Variants in SBF2 observed in about 807,000 individuals in gnomAD.
SBF2 encodes SET binding factor 2.
SBF2 carries 112 observed loss-of-function variants against 225.2 expected under a neutral mutation model. That is an observed-to-expected ratio of 0.50 (90% CI 0.43 to 0.58). The LOEUF (loss-of-function observed/expected upper bound fraction) is 0.58. Among genes scored for constraint, SBF2 ranks in the 20% least tolerant of loss-of-function variants. The pLI is 0.00. For missense variants in SBF2, 1,996 were observed against 2,206.2 expected (o/e 0.90, Z 1.91); for synonymous variants, 763 against 773.3 (o/e 0.99, Z 0.22).
intron 16 of SBF2, among the ~76,000 whole-genome samples, chr11:9,908,388 G>A (rs1862277165): frequency 6.6e-6 from 1 of 152,184 alleles, no homozygotes; most frequent in Non-Finnish European, 1.5e-5. Flanking sequence ...CACTTTGGGA[G>A]GCCGAGGCGG....
intron 6 of SBF2, among the ~76,000 whole-genome samples, chr11:10,010,510 C>A (rs1008388577): frequency 2.6e-5 from 4 of 152,156 alleles, no homozygotes; most frequent in African/African-American, 9.7e-5. Context: ...TCCTCCATTG[C>A]TTGTTTTTGT....
intron 6 of SBF2, among the ~76,000 whole-genome samples, chr11:10,020,384 T>C (rs78622859): frequency 0.034 from 5,177 of 152,106 alleles, 310 homozygotes; most frequent in East Asian, 0.18. Context: ...GGCCACTGTG[T>C]ATGCAGAGAG....
In SBF2 at chr11:10,251,471, G is replaced by C. The variant is rs143299753; in HGVS notation, c.55+42544C>G. Among the ~76,000 whole-genome samples, 275 of 152,314 alleles carry C rather than the reference G, an allele frequency of 1.8e-3. 1 individual carries two copies. Among genetic ancestry groups the C allele is most frequent in the African/African-American group, 6.4e-3 (264 of 41,558 alleles). On this transcript the variant is annotated intron_variant, in intron 1 of 39. Transcript: ENST00000256190. Reference sequence around the variant, plus strand: ...ACAGAAAAGTACCTGTGCAGCTACTGACACTTGTGGCCTATGGACAAATCC... The same window carrying C: ...ACAGAAAAGTACCTGTGCAGCTACTCACACTTGTGGCCTATGGACAAATCC...
intron 17 of SBF2, among the ~76,000 whole-genome samples, chr11:9,894,353 C>T (rs950134459): frequency 2.6e-5 from 4 of 152,120 alleles, no homozygotes. Context: ...CCTGTCTCTA[C>T]TAAAAACACA....
At chr11:10,057,514 G>T (rs191887558) in intron 2 of SBF2, among the ~76,000 whole-genome samples, 1 of 152,152 alleles carries the variant, frequency 6.6e-6, no homozygotes, top group South Asian at 2.1e-4. Flanking sequence ...TGGGCCCACA[G>T]CGCAAACTCT....
intron 16 of SBF2, among the ~76,000 whole-genome samples, chr11:9,949,135 A>G (rs1053576262): frequency 7.9e-5 from 12 of 152,328 alleles, no homozygotes; most frequent in Non-Finnish European, 1.5e-4. Context: ...GAAGAAAGGT[A>G]GAAAGCACAA....
chr11:10,238,638 C>T (rs1294869042), intron 1 of SBF2, among the ~76,000 whole-genome samples: 1 of 150,368 alleles, frequency 6.7e-6, no homozygotes, highest in Non-Finnish European at 1.5e-5. Context: ...CATGGCTGGG[C>T]GCAGTGGTTC....
At chr11:9,881,226 T>C (rs913572986) in intron 17 of SBF2, among the ~76,000 whole-genome samples, 1 of 152,186 alleles carries the variant, frequency 6.6e-6, no homozygotes, top group African/African-American at 2.4e-5. Context: ...AAGAATTGTA[T>C]TTGGACAGAA....
chr11:10,065,870 C>A (rs1240106178), intron 2 of SBF2, among the ~76,000 whole-genome samples: 1 of 152,078 alleles, frequency 6.6e-6, no homozygotes, highest in African/African-American at 2.4e-5. Flanking sequence ...ATCCTTGAAC[C>A]CAGGGGGTGG....
At position 10,187,282 on chromosome 11, in the gene SBF2, C is replaced by CT. The variant is rs1956963438; in HGVS notation, c.141+6619dup. 2.0e-5 allele frequency among the ~76,000 whole-genome samples: 3 copies of CT among 150,696 alleles called. No homozygotes were observed. The Admixed American group carries it at 2.0e-4, about 10-fold the overall frequency. On this transcript the variant is annotated intron_variant, in intron 2 of 39. Coordinates refer to ENST00000256190, the MANE Select transcript of SBF2 (RefSeq NM_030962.4). Reference sequence around the variant, plus strand: ...TTATTCTCTTTTTCCTCTCTCTCCTCTCTCTCTCTCTCTCCTTTTTCTCTC... The same window carrying CT: ...TTATTCTCTTTTTCCTCTCTCTCCTCTTCTCTCTCTCTCTCCTTTTTCTCTC...
At chr11:10,004,576 A>T (rs1464669251) in intron 6 of SBF2, among the ~76,000 whole-genome samples, 1 of 133,044 alleles carries the variant, frequency 7.5e-6, no homozygotes, top group Admixed American at 8.9e-5. Context: ...ACAAAAATTA[A>T]AAAAAAAAAA....
intron 17 of SBF2, among the ~76,000 whole-genome samples, chr11:9,885,251 CAAAAAA>C (rs71453937): frequency 1.0e-4 from 4 of 38,282 alleles, no homozygotes; most frequent in South Asian, 3.5e-3. Context: ...ACTTTTCCTC[CAAAAAA>C]AAAAAAAAAA....
intron 16 of SBF2, among the ~76,000 whole-genome samples, chr11:9,901,803 C>T (rs1313928175): frequency 6.6e-6 from 1 of 152,088 alleles, no homozygotes; most frequent in Non-Finnish European, 1.5e-5. Context: ...TGCTACCACG[C>T]CCAGGTAATT....
At chr11:9,942,987 GA>G (rs1334646217) in intron 16 of SBF2, among the ~76,000 whole-genome samples, 1 of 136,756 alleles carries the variant, frequency 7.3e-6, no homozygotes, top group Non-Finnish European at 1.6e-5. Flanking sequence ...GAGGAAGAAA[GA>G]AAGAAAGAAA....
At chr11:10,200,950 T>C (rs1174489081) in intron 1 of SBF2, among the ~76,000 whole-genome samples, 1 of 152,190 alleles carries the variant, frequency 6.6e-6, no homozygotes, top group Admixed American at 6.5e-5. Flanking sequence ...TTCCTGAGGA[T>C]AAAAGTCTTG....
chr11:9,962,737 T>C (rs1028092064), intron 15 of SBF2, among the ~76,000 whole-genome samples: 1 of 152,144 alleles, frequency 6.6e-6, no homozygotes, highest in Non-Finnish European at 1.5e-5. Context: ...TAGGACTTAG[T>C]TAATTTACTT....
intron 16 of SBF2, among the ~76,000 whole-genome samples, chr11:9,913,884 T>G (rs1483577144): frequency 1.3e-5 from 2 of 152,192 alleles, no homozygotes; most frequent in Non-Finnish European, 2.9e-5. Context: ...GTTGTTTAAG[T>G]AGAGACAGGG....
intron 28 of SBF2, 25 bp downstream of exon 28, chr11:9,829,328 CAAG>C (rs1423202961): frequency 6.2e-7 from 1 of 1,612,106 alleles, no homozygotes; most frequent in Non-Finnish European, 8.5e-7. Context: ...TAGAAGCTGT[CAAG>C]AAGAAAAGTA....
intron 2 of SBF2, among the ~76,000 whole-genome samples, chr11:10,117,492 C>G (rs972256830): frequency 6.7e-6 from 1 of 149,300 alleles, no homozygotes; most frequent in African/African-American, 2.5e-5. Flanking sequence ...TCCTATTTTG[C>G]TTTTCAGCTA....
Sources: allele counts gnomAD v4.1 joint callset (sites outside exome capture counted in the v4.1 genomes callset), GRCh38; gene constraint gnomAD v4.1.1; transcripts MANE v1.5; gene names NCBI Gene and HGNC (gene_info 2026-07-23, HGNC 2026-07-21).